CNTN6: variants seen among roughly 807,000 people sequenced by gnomAD.
The protein encoded by CNTN6 is contactin 6, also known as contactin-6.
In CNTN6, 137 loss-of-function variants were observed where a neutral mutation model predicts 122.8. That is an observed-to-expected ratio of 1.12 (90% CI 0.97 to 1.29). The LOEUF (loss-of-function observed/expected upper bound fraction) is 1.29, where lower values mean the gene tolerates loss of function less well. Ranked by LOEUF, CNTN6 falls within the 50% of genes most tolerant of loss-of-function variation. The pLI is 0.00. For synonymous variants in CNTN6, 570 were observed against 426.0 expected, an observed-to-expected ratio of 1.34 and a Z score of -4.16; for missense variants, 1,634 against 1,223.4, an observed-to-expected ratio of 1.34 and a Z score of -5.01.
chr3:1,315,299 T>G (rs73816300), intron 7 of CNTN6, among the ~76,000 whole-genome samples: 51 of 152,106 alleles, frequency 3.4e-4, no homozygotes, highest in African/African-American at 1.2e-3. Context: ...ATGGACAAAC[T>G]ACACAGAGTC....
At chr3:1,277,517 T>C (rs1280519777) in intron 4 of CNTN6, among the ~76,000 whole-genome samples, 1 of 151,848 alleles carries the variant, frequency 6.6e-6, no homozygotes, top group African/African-American at 2.4e-5. Flanking sequence ...TGTGCCACCA[T>C]GCCTGGCTAA....
At chr3:1,258,467 T>A (rs553156358) in intron 4 of CNTN6, among the ~76,000 whole-genome samples, 6 of 152,126 alleles carry the variant, frequency 3.9e-5, no homozygotes, top group Non-Finnish European at 7.4e-5. Context: ...TTCACTGTTG[T>A]AATGCAGGGA....
At chr3:1,388,251 ACCC>A (rs2126208554) in intron 20 of CNTN6, among the ~76,000 whole-genome samples, 1 of 148,484 alleles carries the variant, frequency 6.7e-6, no homozygotes, top group Admixed American at 6.8e-5. Flanking sequence ...TGGGTCCCTG[ACCC>A]CTGACCCCCG....
At chr3:1,102,595 G>A (rs1043466947) in intron 1 of CNTN6, among the ~76,000 whole-genome samples, 4 of 146,946 alleles carry the variant, frequency 2.7e-5, no homozygotes, top group African/African-American at 7.8e-5. Flanking sequence ...CGGGCGTGGT[G>A]GCGGCGCCTG....
intron 1 of CNTN6, among the ~76,000 whole-genome samples, chr3:1,102,830 G>A (rs1363930248): frequency 4.0e-5 from 6 of 150,184 alleles, no homozygotes; most frequent in South Asian, 2.1e-4. Flanking sequence ...TGTCCAGGCC[G>A]GGAGCTGTGG....
intron 2 of CNTN6, among the ~76,000 whole-genome samples, chr3:1,214,240 A>G (rs2094093090): frequency 7.0e-6 from 1 of 142,232 alleles, no homozygotes; most frequent in African/African-American, 2.6e-5. Flanking sequence ...TATTTTTCAT[A>G]TTAGCTTTTT....
chr3:1,255,748 C>A (rs1375139698), intron 4 of CNTN6, among the ~76,000 whole-genome samples: 3 of 152,254 alleles, frequency 2.0e-5, no homozygotes, highest in African/African-American at 7.2e-5. Context: ...TCACAACCTA[C>A]TGCAGCTTCA....
intron 2 of CNTN6, among the ~76,000 whole-genome samples, chr3:1,190,802 ATCCCCT>A (rs1249018774): frequency 6.6e-6 from 1 of 152,070 alleles, no homozygotes; most frequent in Non-Finnish European, 1.5e-5. Flanking sequence ...CTATCTAGGG[ATCCCCT>A]TCTGTTGGCT....
At chr3:1,246,781 TG>T (rs1337888191) in intron 4 of CNTN6, among the ~76,000 whole-genome samples, 4 of 152,164 alleles carry the variant, frequency 2.6e-5, no homozygotes, top group African/African-American at 9.7e-5. Flanking sequence ...CTAATGAAAT[TG>T]GGCACTTTTT....
chr3:1,398,646 T>C (rs1695279142), intron 20 of CNTN6, among the ~76,000 whole-genome samples: 1 of 152,116 alleles, frequency 6.6e-6, no homozygotes. Context: ...TTTTAATATA[T>C]ACCACTAACC....
chr3:1,209,493 G>A (rs1326869348), intron 2 of CNTN6, among the ~76,000 whole-genome samples: 2 of 152,186 alleles, frequency 1.3e-5, no homozygotes, highest in Non-Finnish European at 2.9e-5. Flanking sequence ...ATCTTGTGAA[G>A]TGAGTGCTGA....
intron 3 of CNTN6, among the ~76,000 whole-genome samples, chr3:1,226,388 C>T (rs2094284522): frequency 6.6e-6 from 1 of 152,128 alleles, no homozygotes; most frequent in African/African-American, 2.4e-5. Flanking sequence ...GGACATACCA[C>T]CTCAAAATAT....
intron 1 of CNTN6, among the ~76,000 whole-genome samples, chr3:1,109,744 G>A (rs1304410078): frequency 6.6e-6 from 1 of 151,906 alleles, no homozygotes; most frequent in Non-Finnish European, 1.5e-5. Context: ...AGATCCATCT[G>A]AACAGAAAAG....
chr3:1,319,083 A>G (rs951362631), intron 7 of CNTN6, among the ~76,000 whole-genome samples: 1 of 151,720 alleles, frequency 6.6e-6, no homozygotes, highest in Non-Finnish European at 1.5e-5. Context: ...GACAAGGTGG[A>G]ATTCTCTTTA....
intron 1 of CNTN6, among the ~76,000 whole-genome samples, chr3:1,141,462 G>T (rs769904399): frequency 6.6e-6 from 1 of 152,198 alleles, no homozygotes; most frequent in Non-Finnish European, 1.5e-5. Context: ...AGAGAGAGAA[G>T]TTGGCCAATA....
chr3:1,132,569 A>G (rs1002249503), intron 1 of CNTN6, among the ~76,000 whole-genome samples: 4 of 151,890 alleles, frequency 2.6e-5, no homozygotes, highest in African/African-American at 9.7e-5. Flanking sequence ...GGGCAGGAGG[A>G]TCATTTGAAC....
At chr3:1,377,948 C>A (rs1230160492) in intron 17 of CNTN6, among the ~76,000 whole-genome samples, 4 of 152,100 alleles carry the variant, frequency 2.6e-5, no homozygotes, top group Non-Finnish European at 5.9e-5. Context: ...TATTTTTTAT[C>A]TGGGAGATGG....
At chr3:1,242,064 A>C (rs1479807072) in intron 4 of CNTN6, among the ~76,000 whole-genome samples, 1 of 152,202 alleles carries the variant, frequency 6.6e-6, no homozygotes, top group African/African-American at 2.4e-5. Flanking sequence ...TCAGTCGGAC[A>C]CGATTGGCAG....
chr3:1,109,540 G>T (rs1033178154), intron 1 of CNTN6, among the ~76,000 whole-genome samples: 8 of 151,834 alleles, frequency 5.3e-5, no homozygotes, highest in Non-Finnish European at 7.4e-5. Flanking sequence ...AGAGCCAGTA[G>T]CTCCTCTATT....
Sources: allele counts gnomAD v4.1 joint callset (sites outside exome capture counted in the v4.1 genomes callset), GRCh38; gene constraint gnomAD v4.1.1; transcripts MANE v1.5; gene names NCBI Gene and HGNC (gene_info 2026-07-23, HGNC 2026-07-21).